The following PTPRD variants were observed in gnomAD, a reference collection of about 807,000 sequenced individuals.
PTPRD encodes protein tyrosine phosphatase receptor type D.
In PTPRD, 34 loss-of-function variants were observed where a neutral mutation model predicts 214.5. That is an observed-to-expected ratio of 0.16 (90% CI 0.12 to 0.21). PTPRD has a LOEUF of 0.21. Among genes scored for constraint, PTPRD ranks in the 10% least tolerant of loss-of-function variants. PTPRD has a pLI of 1.00. For missense variants in PTPRD, 2,545 were observed against 2,398.7 expected (o/e 1.06, Z -1.27); for synonymous variants, 1,128 against 845.7 (o/e 1.33, Z -5.79).
Position 8,384,052 on chromosome 9 carries a change from C to A in PTPRD, c.4386+5180G>T, listed in dbSNP as rs577401236. Among the ~76,000 whole-genome samples, 5 of 152,254 alleles carry A rather than the reference C, an allele frequency of 3.3e-5. No individual in the cohort carries two copies. The South Asian group carries it at 1.0e-3, about 32-fold the overall frequency. ...AGATGAAGGGAAAAAGGTGAACACT[C>A]ACACACTAAATAATAATTTAATATA... is the stretch of plus-strand genomic sequence containing the variant. On this transcript the variant is annotated intron_variant, in intron 37 of 45. Transcript: ENST00000381196.
At chr9:8,593,952 A>G (rs958922020) in intron 14 of PTPRD, among the ~76,000 whole-genome samples, 1 of 152,222 alleles carries the variant, frequency 6.6e-6, no homozygotes, top group Non-Finnish European at 1.5e-5. Context: ...AGTAGGATAC[A>G]TATATATGCA....
At chr9:9,690,829 C>CA (rs1203583753) in intron 7 of PTPRD, among the ~76,000 whole-genome samples, 1 of 151,670 alleles carries the variant, frequency 6.6e-6, no homozygotes, top group African/African-American at 2.4e-5. Flanking sequence ...TATGTGTCTT[C>CA]TTTTATGCTA....
intron 11 of PTPRD, among the ~76,000 whole-genome samples, chr9:8,856,697 A>C (rs1187221764): frequency 6.6e-6 from 1 of 152,208 alleles, no homozygotes; most frequent in African/African-American, 2.4e-5. Flanking sequence ...CTGGGAGGCG[A>C]ACTGGAAACA....
intron 10 of PTPRD, among the ~76,000 whole-genome samples, chr9:9,026,634 T>C (rs2099588108): frequency 6.6e-6 from 1 of 151,950 alleles, no homozygotes; most frequent in African/African-American, 2.4e-5. Context: ...TCATTCCTGC[T>C]CTTGATTTTT....
intron 7 of PTPRD, among the ~76,000 whole-genome samples, chr9:9,618,071 CAAAAAAAAAAAAAA>C (rs34125624): frequency 2.0e-3 from 45 of 23,024 alleles, no homozygotes; most frequent in South Asian, 3.4e-3. Flanking sequence ...GACTCCATCT[CAAAAAAAAAAAAAA>C]AAAAAAAAAA....
At chr9:9,563,630 T>A (rs1019066585) in intron 8 of PTPRD, among the ~76,000 whole-genome samples, 1 of 152,180 alleles carries the variant, frequency 6.6e-6, no homozygotes, top group Non-Finnish European at 1.5e-5. Context: ...GCTTTTATCC[T>A]TGGCTTTTAT....
At chr9:8,740,221 G>C (rs917188161) in intron 11 of PTPRD, among the ~76,000 whole-genome samples, 1 of 152,080 alleles carries the variant, frequency 6.6e-6, no homozygotes, top group African/African-American at 2.4e-5. Flanking sequence ...TATATAACTG[G>C]AAAATATCCA....
At chr9:9,005,163 G>C (rs1044776867) in intron 11 of PTPRD, among the ~76,000 whole-genome samples, 1 of 152,042 alleles carries the variant, frequency 6.6e-6, no homozygotes, top group Non-Finnish European at 1.5e-5. Context: ...AACTAGCTTA[G>C]AGGAGCTTAA....
rs767014202 is a variant in PTPRD at position 8,470,976 on chromosome 9, C to T, written c.3504+19G>A. The T allele has an allele frequency of 6.3e-7, 1 of 1,598,296 alleles. No homozygotes were observed. Among genetic ancestry groups the T allele is most frequent in the South Asian group, 1.1e-5 (1 of 90,722 alleles). On this transcript the variant is annotated intron_variant, in intron 31 of 45. Transcript: ENST00000381196. ...ATTAAATAACGAATAAAAGACATGG[C>T]CAACAATGACACAGTTACCTCATCT... is the stretch of plus-strand genomic sequence containing the variant.
At chr9:10,534,910 C>T (rs2057374828) in intron 2 of PTPRD, among the ~76,000 whole-genome samples, 1 of 152,132 alleles carries the variant, frequency 6.6e-6, no homozygotes, top group African/African-American at 2.4e-5. Flanking sequence ...ACTATTTGAC[C>T]ATTGCAATAA....
At chr9:9,428,209 G>C (rs200738954) in intron 8 of PTPRD, among the ~76,000 whole-genome samples, 7 of 152,058 alleles carry the variant, frequency 4.6e-5, no homozygotes, top group African/African-American at 1.7e-4. Flanking sequence ...TAAAGGGATG[G>C]AGGAAGATCT....
At chr9:10,406,648 G>A (rs2098365187) in intron 2 of PTPRD, among the ~76,000 whole-genome samples, 1 of 151,528 alleles carries the variant, frequency 6.6e-6, no homozygotes, top group African/African-American at 2.4e-5. Context: ...TGTAACTTTA[G>A]CTGTAAATAT....
intron 39 of PTPRD, among the ~76,000 whole-genome samples, chr9:8,353,920 A>ATATATGTGTATATATGTATATATG (rs1241512494): frequency 1.5e-5 from 2 of 131,764 alleles, no homozygotes; most frequent in African/African-American, 3.4e-5. Flanking sequence ...GTATATATGT[A>ATATATGTGTATATATGTATATATG]TATATATGTG....
At chr9:8,542,026 T>C (rs755369308) in intron 14 of PTPRD, among the ~76,000 whole-genome samples, 23 of 148,062 alleles carry the variant, frequency 1.6e-4, no homozygotes, top group Non-Finnish European at 2.4e-4. Context: ...GATGGAAGAG[T>C]TGTCAAGCAT....
intron 12 of PTPRD, among the ~76,000 whole-genome samples, chr9:8,700,124 T>A (rs1338766001): frequency 6.6e-6 from 1 of 152,220 alleles, no homozygotes; most frequent in Non-Finnish European, 1.5e-5. Context: ...AGTTTGTATT[T>A]TCCAAATTTC....
chr9:9,444,362 C>T (rs1379055659), intron 8 of PTPRD, among the ~76,000 whole-genome samples: 1 of 152,136 alleles, frequency 6.6e-6, no homozygotes, highest in Non-Finnish European at 1.5e-5. Flanking sequence ...AGTCTTTCAT[C>T]TGAGTTATGT....
chr9:9,028,240 A>G (rs1457302452), intron 10 of PTPRD, among the ~76,000 whole-genome samples: 1 of 152,004 alleles, frequency 6.6e-6, no homozygotes, highest in East Asian at 1.9e-4. Context: ...AGAAATTCAG[A>G]CAATATTTGT....
chr9:9,179,011 C>G (rs963873554), intron 10 of PTPRD, among the ~76,000 whole-genome samples: 3 of 152,050 alleles, frequency 2.0e-5, no homozygotes, highest in East Asian at 3.9e-4. Flanking sequence ...CTAAAAGTAA[C>G]TAAAAACAGG....
intron 3 of PTPRD, among the ~76,000 whole-genome samples, chr9:10,126,426 TACACACACACACACAC>T (rs57563877): frequency 2.1e-5 from 2 of 96,116 alleles, no homozygotes; most frequent in Admixed American, 1.0e-4. Flanking sequence ...GTTTTATATA[TACACACACACACACAC>T]ACACACACAC....
Sources: allele counts gnomAD v4.1 joint callset (sites outside exome capture counted in the v4.1 genomes callset), GRCh38; gene constraint gnomAD v4.1.1; transcripts MANE v1.5; gene names NCBI Gene and HGNC (gene_info 2026-07-23, HGNC 2026-07-21).